The following MEIS2 variants were observed in gnomAD, a reference collection of about 807,000 sequenced individuals.
MEIS2 encodes the protein homeobox protein Meis2.
MEIS2 carries 9 observed loss-of-function variants against 58.6 expected under a neutral mutation model. The ratio of observed to expected loss-of-function variants is 0.15; its 90% CI spans 0.09 to 0.27. The LOEUF (loss-of-function observed/expected upper bound fraction) is 0.27. MEIS2 is among the 10% of genes least tolerant of loss of function. MEIS2 has a pLI of 1.00. For synonymous variants in MEIS2, 221 were observed against 228.4 expected, an observed-to-expected ratio of 0.97 and a Z score of 0.29; for missense variants, 427 against 635.0, an observed-to-expected ratio of 0.67 and a Z score of 3.52.
At chr15:36,926,376 C>T (rs1446428309) in intron 9 of MEIS2, among the ~76,000 whole-genome samples, 1 of 152,156 alleles carries the variant, frequency 6.6e-6, no homozygotes, top group Non-Finnish European at 1.5e-5. Context: ...CTTACAATTT[C>T]TCTCTTCACA....
rs147131426 is a variant in MEIS2, at chr15:37,079,594, C to G, written c.754+4177G>C. The stretch of plus-strand genomic sequence containing the variant: ...AACATGTATTATAAGCTCAAAAGTG[C>G]AATACTATCTTAGACATTTGCTTAC... On this transcript the variant is annotated intron_variant, in intron 7 of 11. Transcript: ENST00000561208. Among the ~76,000 whole-genome samples the G allele has an allele frequency of 1.6e-3, 251 of 152,174 alleles. 1 individual carries two copies. The highest frequency in any genetic ancestry group is 5.9e-3 in the African/African-American group (247 of 41,526).
chr15:37,018,344 C>T (rs1256470503), intron 8 of MEIS2, among the ~76,000 whole-genome samples: 1 of 152,168 alleles, frequency 6.6e-6, no homozygotes, highest in Non-Finnish European at 1.5e-5. Flanking sequence ...CAGCATAGGA[C>T]CTTGCGCATG....
At chr15:36,913,115 A>G (rs1325072314) in intron 9 of MEIS2, among the ~76,000 whole-genome samples, 1 of 152,200 alleles carries the variant, frequency 6.6e-6, no homozygotes, top group East Asian at 1.9e-4. Context: ...TGTTTCTAAT[A>G]TTTAAATTTG....
chr15:37,042,768 C>T lies in MEIS2; in HGVS notation c.755-5809G>A, dbSNP rs1026886462. ...ACTCTTCTCCAGAAGTCAGCCAGTT[C>T]CTGCAAGAGCTTTAATTATATTTGA... On this transcript the variant is annotated intron_variant, in intron 7 of 11. Coordinates refer to ENST00000561208, the MANE Select transcript of MEIS2 (RefSeq NM_170675.5). Among the ~76,000 whole-genome samples the T allele has an allele frequency of 2.6e-5, 4 of 152,136 alleles. No individual in the cohort carries two copies. In the South Asian group the frequency reaches 6.2e-4, roughly 24 times the overall value.
chr15:36,980,516 T>A (rs971096984), intron 8 of MEIS2, among the ~76,000 whole-genome samples: 2 of 152,096 alleles, frequency 1.3e-5, no homozygotes, highest in African/African-American at 4.8e-5. Flanking sequence ...ATAATAACCA[T>A]CAGATCTTGT....
In MEIS2 at chr15:37,074,201, T is replaced by C. The variant is rs573065035; in HGVS notation, c.754+9570A>G. On this transcript the variant is annotated intron_variant, in intron 7 of 11. Transcript: ENST00000561208. ...AAAACACGCCTCATATTTTAGCAGA[T>C]AGAACAGTCTATTGGTATTAATACT... is the stretch of plus-strand genomic sequence containing the variant. 3.3e-5 allele frequency among the ~76,000 whole-genome samples: 5 copies of C among 152,114 alleles called. No homozygotes were observed. In the East Asian group the frequency reaches 5.8e-4, roughly 18 times the overall value.
At chr15:37,019,279 C>T (rs1200302441) in intron 8 of MEIS2, among the ~76,000 whole-genome samples, 1 of 152,132 alleles carries the variant, frequency 6.6e-6, no homozygotes, top group East Asian at 1.9e-4. Flanking sequence ...ATTGCATGAG[C>T]TACTAAGAAT....
chr15:36,990,806 G>T (rs757694206), intron 8 of MEIS2, among the ~76,000 whole-genome samples: 13 of 151,780 alleles, frequency 8.6e-5, no homozygotes, highest in Non-Finnish European at 1.8e-4. Flanking sequence ...GGGGGATAGG[G>T]CTTTTCAGGA....
At chr15:36,997,993 G>A (rs999574607) in intron 8 of MEIS2, among the ~76,000 whole-genome samples, 9 of 152,116 alleles carry the variant, frequency 5.9e-5, no homozygotes, top group African/African-American at 1.9e-4. Context: ...AGCAAGCCCA[G>A]TTGCTTTCTT....
At chr15:36,947,886 T>C (rs2058625026) in intron 9 of MEIS2, among the ~76,000 whole-genome samples, 1 of 151,994 alleles carries the variant, frequency 6.6e-6, no homozygotes, top group Non-Finnish European at 1.5e-5. Context: ...GCTTTCTCTG[T>C]TTTGAAGCTG....
chr15:37,094,161 A>G, intron 5 of MEIS2: 1 of 285,274 alleles, frequency 3.5e-6, no homozygotes, highest in East Asian at 7.6e-5. Context: ...ATGTAAAGAC[A>G]CCCAGCAAGG....
At chr15:37,051,494 G>A (rs188598374) in intron 7 of MEIS2, among the ~76,000 whole-genome samples, 3 of 152,282 alleles carry the variant, frequency 2.0e-5, no homozygotes, top group African/African-American at 4.8e-5. Context: ...GGAGTGTAAG[G>A]AAATTTTGGC....
At chr15:37,003,451 G>A (rs1339764885) in intron 8 of MEIS2, among the ~76,000 whole-genome samples, 1 of 151,694 alleles carries the variant, frequency 6.6e-6, no homozygotes, top group Non-Finnish European at 1.5e-5. Context: ...AGAAGAGAGG[G>A]AAGGCAAAGT....
At chr15:36,926,773 T>C (rs1034180147) in intron 9 of MEIS2, among the ~76,000 whole-genome samples, 6 of 152,364 alleles carry the variant, frequency 3.9e-5, no homozygotes, top group Admixed American at 3.9e-4. Context: ...TTTCTCTCTT[T>C]CTGGCTGATT....
chr15:36,935,853 TATA>T lies in MEIS2; in HGVS notation c.977+14468_977+14470del, dbSNP rs1195287990. Among the ~76,000 whole-genome samples, 7 of 152,120 alleles carry T rather than the reference TATA, an allele frequency of 4.6e-5. No individual in the cohort carries two copies. In the East Asian group the frequency reaches 7.7e-4, roughly 17 times the overall value. ...AATTATCTAAAATATCTTTCCCACT[TATA>T]ATTTATTTTATTTACATTAGCCAAT... is the stretch of plus-strand genomic sequence containing the variant. On this transcript the variant is annotated intron_variant, in intron 9 of 11. Transcript: ENST00000561208.
At chr15:37,047,696 A>C (rs564442545) in intron 7 of MEIS2, among the ~76,000 whole-genome samples, 1 of 152,352 alleles carries the variant, frequency 6.6e-6, no homozygotes, top group Admixed American at 6.5e-5. Flanking sequence ...TTGTTATGAT[A>C]TATGAGTCTC....
At chr15:36,991,585 C>T (rs2060275518) in intron 8 of MEIS2, among the ~76,000 whole-genome samples, 1 of 151,844 alleles carries the variant, frequency 6.6e-6, no homozygotes, top group African/African-American at 2.4e-5. Flanking sequence ...ATACAAAATG[C>T]TTTGATCTAG....
In MEIS2 at chr15:36,890,196, A is replaced by G. The variant is rs961269689; in HGVS notation, c.*1977T>C. 1 of 152,198 alleles carries G rather than the reference A, an allele frequency of 6.6e-6. No homozygotes were observed. Among genetic ancestry groups the G allele is most frequent in the African/African-American group, 2.4e-5 (1 of 41,454 alleles). 9.4% of individuals were successfully genotyped at this position (152,198 alleles called of 1,614,324 possible). A position where few individuals can be genotyped will look rare whatever the true frequency, so the allele number is the denominator to read the frequency against. ...TATATGACATTATTCTTTCTAAACA[A>G]AGATTCAAAATTTAAGAGTTAAAAA... On this transcript the variant is annotated 3_prime_UTR_variant, in exon 12 of 12. Transcript: ENST00000561208.
In MEIS2 at chr15:37,098,166, C is replaced by G; in HGVS notation, c.46G>C (p.Gly16Arg). Residue 16 changes from glycine to arginine, a missense_variant, in exon 2 of 12, where the codon GGA (glycine) becomes CGA (arginine). Physicochemically the swap from Gly to Arg is moderately radical, Grantham distance 125. This residue lies in a region of MEIS2 where 103 missense variants were observed against 111.8 expected (regional missense o/e 0.92). Transcript: ENST00000561208. ...TACATGGAAGCGGGAACCCCTACTC[C>G]GTCCATCCCGCCGTAATGGGGCAGC... ...DELPHYGGMD[G>R]VGVPASMYGD... is the part of the protein sequence containing the mutation. 1.9e-6 allele frequency: 3 copies of G among 1,603,228 alleles called. No homozygotes were observed. The highest frequency in any genetic ancestry group is 1.1e-5 in the South Asian group (1 of 89,950).
Sources: allele counts gnomAD v4.1 joint callset (sites outside exome capture counted in the v4.1 genomes callset), GRCh38; gene constraint gnomAD v4.1.1; regional missense constraint gnomAD v4.1.1; transcripts MANE v1.5; gene names NCBI Gene and HGNC (gene_info 2026-07-23, HGNC 2026-07-21).